Variants in CACNA2D3 observed in about 807,000 individuals in gnomAD.
The protein encoded by CACNA2D3 is calcium voltage-gated channel auxiliary subunit alpha2delta 3.
In CACNA2D3, 60 loss-of-function variants were observed where a neutral mutation model predicts 160.6. That is an observed-to-expected ratio of 0.37 (90% CI 0.30 to 0.46). The LOEUF (loss-of-function observed/expected upper bound fraction) is 0.46, where lower values mean the gene tolerates loss of function less well. CACNA2D3 is among the 20% of genes least tolerant of loss of function. CACNA2D3 has a pLI of 1.00. For missense variants in CACNA2D3, 1,205 were observed against 1,365.0 expected, an observed-to-expected ratio of 0.88 and a Z score of 1.85; for synonymous variants, 558 against 492.9, an observed-to-expected ratio of 1.13 and a Z score of -1.75.
intron 27 of CACNA2D3, among the ~76,000 whole-genome samples, chr3:54,956,077 T>C (rs962772202): frequency 6.6e-6 from 1 of 152,130 alleles, no homozygotes; most frequent in African/African-American, 2.4e-5. Flanking sequence ...TCCTTCTCCC[T>C]CCCCTCCCTC....
intron 4 of CACNA2D3, among the ~76,000 whole-genome samples, chr3:54,412,956 A>G (rs1699693955): frequency 6.6e-6 from 1 of 151,958 alleles, no homozygotes; most frequent in Non-Finnish European, 1.5e-5. Context: ...TAATATATTT[A>G]CCTACATATT....
intron 9 of CACNA2D3, among the ~76,000 whole-genome samples, chr3:54,594,278 C>A (rs1467263805): frequency 6.6e-6 from 1 of 152,110 alleles, no homozygotes; most frequent in Non-Finnish European, 1.5e-5. Context: ...ATGAAAGCAG[C>A]CATGGGTAAT....
intron 4 of CACNA2D3, among the ~76,000 whole-genome samples, chr3:54,475,813 G>GTA (rs1392769604): frequency 6.7e-6 from 1 of 148,998 alleles, no homozygotes; most frequent in African/African-American, 2.4e-5. Context: ...TACCATTTGT[G>GTA]TGTGTGTGTG....
At chr3:54,688,845 AC>A (rs1700515284) in intron 11 of CACNA2D3, among the ~76,000 whole-genome samples, 2 of 151,662 alleles carry the variant, frequency 1.3e-5, no homozygotes, top group Non-Finnish European at 2.9e-5. Flanking sequence ...TACTAAAAAT[AC>A]AAAAATTAGC....
chr3:54,859,402 C>A (rs1474431649), intron 17 of CACNA2D3, among the ~76,000 whole-genome samples: 1 of 152,158 alleles, frequency 6.6e-6, no homozygotes, highest in African/African-American at 2.4e-5. Flanking sequence ...CTCCCAGGTG[C>A]CATTTTTACA....
chr3:54,940,575 G>A (rs1701440286), intron 27 of CACNA2D3, among the ~76,000 whole-genome samples: 2 of 152,122 alleles, frequency 1.3e-5, no homozygotes, highest in Non-Finnish European at 2.9e-5. Context: ...ATATAATGCA[G>A]CATTTTCAAA....
chr3:54,330,438 T>A (rs1160238820), intron 3 of CACNA2D3, among the ~76,000 whole-genome samples: 1 of 152,108 alleles, frequency 6.6e-6, no homozygotes, highest in Non-Finnish European at 1.5e-5. Flanking sequence ...CGGTTGGAGT[T>A]GCTCATAGAC....
intron 5 of CACNA2D3, among the ~76,000 whole-genome samples, chr3:54,532,264 T>G (rs1225754249): frequency 6.6e-6 from 1 of 152,222 alleles, no homozygotes; most frequent in East Asian, 1.9e-4. Context: ...CCCAATCCTG[T>G]GCTCACAGAA....
chr3:54,330,879 A>G (rs767323547), intron 3 of CACNA2D3, among the ~76,000 whole-genome samples: 15 of 152,204 alleles, frequency 9.9e-5, no homozygotes, highest in Non-Finnish European at 1.6e-4. Context: ...GTCTGGGGAT[A>G]GTGCATCAGC....
rs187249513 is a variant in CACNA2D3 at position 54,292,140 on chromosome 3, C to G, written c.205-28302C>G. Among the ~76,000 whole-genome samples the G allele has an allele frequency of 2.0e-5, 3 of 151,944 alleles. No individual in the cohort carries two copies. The East Asian group carries it at 5.8e-4, about 29-fold the overall frequency. ...CAGGCAAAAGAATGAAGTTGGACCC[C>G]TACCTCATACCATACACAAAAATGA... is the stretch of plus-strand genomic sequence containing the variant. On this transcript the variant is annotated intron_variant, in intron 2 of 37. Coordinates refer to ENST00000474759, the MANE Select transcript of CACNA2D3 (RefSeq NM_018398.3).
intron 17 of CACNA2D3, among the ~76,000 whole-genome samples, chr3:54,863,870 G>T (rs1010544554): frequency 2.6e-5 from 4 of 152,152 alleles, no homozygotes; most frequent in Non-Finnish European, 5.9e-5. Flanking sequence ...AAAGGAAAGG[G>T]CTTGTTGTCT....
chr3:54,516,797 A>G (rs147536918), intron 5 of CACNA2D3, among the ~76,000 whole-genome samples: 79 of 152,272 alleles, frequency 5.2e-4, no homozygotes, highest in African/African-American at 1.1e-3. Context: ...TTTCTGGGGT[A>G]GATTTTCATG....
intron 11 of CACNA2D3, among the ~76,000 whole-genome samples, chr3:54,732,560 A>G (rs1441389896): frequency 3.3e-5 from 5 of 152,356 alleles, no homozygotes; most frequent in African/African-American, 7.2e-5. Context: ...GGGGATAGCA[A>G]TGGAAGGTCA....
At chr3:54,553,833 C>T (rs894031055) in intron 5 of CACNA2D3, among the ~76,000 whole-genome samples, 4 of 152,182 alleles carry the variant, frequency 2.6e-5, no homozygotes, top group Non-Finnish European at 4.4e-5. Context: ...ATTGCCTGTC[C>T]TGGGAAGAGG....
At chr3:54,501,212 G>A (rs1701289235) in intron 4 of CACNA2D3, among the ~76,000 whole-genome samples, 1 of 152,074 alleles carries the variant, frequency 6.6e-6, no homozygotes, top group Non-Finnish European at 1.5e-5. Context: ...AATTTGGAGG[G>A]AACACATTCA....
chr3:54,219,745 G>T (rs764996576), intron 2 of CACNA2D3, among the ~76,000 whole-genome samples: 3 of 152,066 alleles, frequency 2.0e-5, no homozygotes, highest in African/African-American at 7.2e-5. Context: ...GTTTTGACAT[G>T]GATAGATGGT....
chr3:54,644,846 G>C (rs1181766346), intron 11 of CACNA2D3, among the ~76,000 whole-genome samples: 1 of 152,228 alleles, frequency 6.6e-6, no homozygotes, highest in African/African-American at 2.4e-5. Flanking sequence ...ACTGCCACAA[G>C]AAATAGCCTG....
chr3:55,053,869 A>G (rs1349177380), intron 35 of CACNA2D3, among the ~76,000 whole-genome samples: 2 of 151,968 alleles, frequency 1.3e-5, no homozygotes. Context: ...ACCTTAAGGT[A>G]AAAGCATTTG....
chr3:54,869,133 A>C (rs1699468057), intron 17 of CACNA2D3, among the ~76,000 whole-genome samples: 1 of 152,172 alleles, frequency 6.6e-6, no homozygotes, highest in Non-Finnish European at 1.5e-5. Flanking sequence ...TTTTTTGAGG[A>C]CGAAGGAACA....
Sources: gnomAD v4.1 joint callset for allele counts (sites outside exome capture counted in the v4.1 genomes callset) on GRCh38, gnomAD v4.1.1 for gene constraint, MANE v1.5 for transcripts, NCBI Gene and HGNC (gene_info 2026-07-23, HGNC 2026-07-21) for gene names.